The following RFWD3 variants were observed in gnomAD, a reference collection of about 807,000 sequenced individuals.
RFWD3 encodes ring finger and WD repeat domain 3, also known as E3 ubiquitin-protein ligase RFWD3.
Under a neutral mutation model 87.7 loss-of-function variants are expected in RFWD3, and 65 were observed. The observed-to-expected ratio is 0.74, with a 90% CI of 0.61 to 0.91. RFWD3 has a LOEUF of 0.91. Among genes scored for constraint, RFWD3 ranks in the 40% least tolerant of loss-of-function variants. The pLI is 0.00. For missense variants in RFWD3, 1,078 were observed against 938.5 expected, an observed-to-expected ratio of 1.15 and a Z score of -1.94; for synonymous variants, 433 against 352.8, an observed-to-expected ratio of 1.23 and a Z score of -2.55.
chr16:74,661,235 G>A lies in RFWD3; in HGVS notation c.215C>T (p.Pro72Leu). 6.2e-7 allele frequency: 1 copy of A among 1,614,206 alleles called. No homozygotes were observed. The change falls in exon 2 of 13, where the codon CCT (proline) becomes CTT (leucine). Residue 72 changes from proline (P) to leucine (L), a missense_variant. Pro to Leu is a moderately conservative substitution (Grantham distance 98, BLOSUM62 -3). Coordinates refer to ENST00000361070, the MANE Select transcript of RFWD3 (RefSeq NM_018124.4). ...SSQATPPLLQ[P>L]APQLSVDLTE... The stretch of plus-strand genomic sequence containing the variant: ...CAGGTCAACAGACAGTTGCGGAGCA[G>A]GCTGGAGCAGGGGTGGTGTCGCTTG...
At chr16:74,666,678 C>A (rs1320193487) in intron 1 of RFWD3, 108 bp downstream of exon 1, 1 of 152,336 alleles carries the variant, frequency 6.6e-6, no homozygotes, top group Non-Finnish European at 1.5e-5. Flanking sequence ...CCGCGTGCAG[C>A]CCACCTCGTG....
chr16:74,636,475 T>C lies in RFWD3; in HGVS notation c.1297A>G (p.Lys433Glu), dbSNP rs771380114. 1.8e-5 allele frequency: 29 copies of C among 1,613,994 alleles called. No homozygotes were observed. The South Asian group carries it at 3.0e-4, about 16-fold the overall frequency. Residue 433 changes from lysine (K) to glutamate (E), a missense_variant, in exon 8 of 13, where the codon AAG (lysine) becomes GAG (glutamate). Physicochemically the swap from Lys to Glu is moderately conservative, Grantham distance 56. Transcript: ENST00000361070. The stretch of plus-strand genomic sequence containing the variant: ...GTCTTTTGGAAGTGGTACTTGTGCT[T>C]GTGCTGGCCCTGGCTGGAGGGTGAG... ...SCSPSSQGQH[K>E]HKYHFQKTFT...
intron 2 of RFWD3, among the ~76,000 whole-genome samples, chr16:74,654,097 T>C (rs1000298995): frequency 6.6e-6 from 1 of 152,168 alleles, no homozygotes; most frequent in Non-Finnish European, 1.5e-5. Flanking sequence ...CAAAACATTT[T>C]TGTCACACCT....
At chr16:74,650,791 C>T (rs948292734) in intron 3 of RFWD3, among the ~76,000 whole-genome samples, 14 of 151,854 alleles carry the variant, frequency 9.2e-5, no homozygotes, top group African/African-American at 2.7e-4. Context: ...GCGGGAGGAT[C>T]GCTTGAGCCT....
chr16:74,635,570 A>G (rs1959189164), intron 8 of RFWD3, among the ~76,000 whole-genome samples: 1 of 152,226 alleles, frequency 6.6e-6, no homozygotes, highest in Admixed American at 6.5e-5. Context: ...AGCGGACTGG[A>G]ATGGACACGT....
At chr16:74,639,565 A>G (rs1959457085) in intron 6 of RFWD3, among the ~76,000 whole-genome samples, 1 of 152,264 alleles carries the variant, frequency 6.6e-6, no homozygotes, top group African/African-American at 2.4e-5. Context: ...CATAATGTTC[A>G]TGACTGAAAA....
At position 74,628,440 on chromosome 16, in the gene RFWD3, A is replaced by G; in HGVS notation, c.1969+12T>C. ...TCCCAAATAAGCTATGGGAGACCCC[A>G]GCACTACTTACCAGGCCTGTAGGTC... On this transcript the variant is annotated intron_variant, in intron 11 of 12. Transcript: ENST00000361070. The G allele has an allele frequency of 6.2e-7, 1 of 1,613,020 alleles. No homozygotes were observed. Among genetic ancestry groups the G allele is most frequent in the Non-Finnish European group, 8.5e-7 (1 of 1,179,158 alleles).
intron 4 of RFWD3, among the ~76,000 whole-genome samples, chr16:74,646,229 A>T (rs1026407422): frequency 2.6e-5 from 4 of 151,956 alleles, no homozygotes; most frequent in African/African-American, 9.7e-5. Flanking sequence ...TTAAAAAATT[A>T]GCCATGTGTG....
At chr16:74,663,703 C>G (rs1961648945) in intron 1 of RFWD3, among the ~76,000 whole-genome samples, 1 of 152,058 alleles carries the variant, frequency 6.6e-6, no homozygotes, top group Non-Finnish European at 1.5e-5. Flanking sequence ...GTATGATATG[C>G]AAACCAGTTT....
At position 74,662,063 on chromosome 16, in the gene RFWD3, C is replaced by A. The variant is rs557078652; in HGVS notation, c.-2-612G>T. On this transcript the variant is annotated intron_variant, in intron 1 of 12. Coordinates refer to ENST00000361070, the MANE Select transcript of RFWD3 (RefSeq NM_018124.4). ...GCGTATTCAACAAATATTTATTAAG[C>A]ACCTATGTTCTTTTCATGTTTCCTA... Among the ~76,000 whole-genome samples, 3 of 152,208 alleles carry A rather than the reference C, an allele frequency of 2.0e-5. No individual in the cohort carries two copies. The East Asian group carries it at 5.8e-4, about 29-fold the overall frequency.
At chr16:74,633,810 C>G (rs947039848) in intron 8 of RFWD3, among the ~76,000 whole-genome samples, 1 of 151,628 alleles carries the variant, frequency 6.6e-6, no homozygotes, top group African/African-American at 2.4e-5. Context: ...ATTAGCTGGG[C>G]GTAGTGGGGC....
intron 4 of RFWD3, among the ~76,000 whole-genome samples, chr16:74,646,728 G>A (rs1960176093): frequency 6.6e-6 from 1 of 152,036 alleles, no homozygotes; most frequent in South Asian, 2.1e-4. Flanking sequence ...GGAAAGAAAA[G>A]AATTAACTCA....
At chr16:74,632,740 TTC>T in intron 8 of RFWD3, 67 bp from the exon 9 acceptor site, 1 of 1,435,244 alleles carries the variant, frequency 7.0e-7, no homozygotes, top group Non-Finnish European at 9.7e-7. Flanking sequence ...AAACTAGTTT[TTC>T]AAGTAGCTCC....
At position 74,649,164 on chromosome 16, in the gene RFWD3, A is replaced by G. The variant is rs1341893542; in HGVS notation, c.760T>C (p.Cys254Arg). Reference sequence around the variant, plus strand: ...GGGAGGGTCTTGCCTCCATCGATACATGTAACTTCTTGCTCTGCTGAGACA... The same window carrying G: ...GGGAGGGTCTTGCCTCCATCGATACGTGTAACTTCTTGCTCTGCTGAGACA... ...AGVSAEQEVT[C>R]IDGGKTLPKQ... Residue 254 changes from cysteine to arginine, a missense_variant, in exon 4 of 13, where the codon TGT becomes CGT. Physicochemically the swap from Cys to Arg is radical, Grantham distance 180. Coordinates refer to ENST00000361070, the MANE Select transcript of RFWD3 (RefSeq NM_018124.4). 1 of 1,571,674 alleles carries G rather than the reference A, an allele frequency of 6.4e-7. No individual in the cohort carries two copies. The highest frequency in any genetic ancestry group is 8.6e-7 in the Non-Finnish European group (1 of 1,166,656).
Position 74,626,378 on chromosome 16 carries a change from C to T in RFWD3, c.2146G>A (p.Val716Met), listed in dbSNP as rs1958931902. ...TTTGCTGCTTCATCCCCAGTACACA[C>T]CAGGATGTTGCCATCATTCTCTGGG... Reference protein sequence around the residue: ...QSPENDGNILVCTGDEAANSA... With the variant: ...QSPENDGNILMCTGDEAANSA... Residue 716 changes from valine (V) to methionine (M), a missense_variant, in exon 12 of 13, where the codon GTG becomes ATG. Val to Met is a conservative substitution (Grantham distance 21). Coordinates refer to ENST00000361070, the MANE Select transcript of RFWD3 (RefSeq NM_018124.4). The T allele has an allele frequency of 8.1e-6, 13 of 1,614,060 alleles. No homozygotes were observed. The highest frequency in any genetic ancestry group is 2.7e-5 in the African/African-American group (2 of 74,908).
At position 74,623,954 on chromosome 16, in the gene RFWD3, T is replaced by G; in HGVS notation, c.2299A>C (p.Met767Leu). Residue 767 changes from methionine (M) to leucine (L), a missense_variant, in exon 13 of 13, where the codon ATG becomes CTG. Met to Leu is a conservative substitution (Grantham distance 15). Coordinates refer to ENST00000361070, the MANE Select transcript of RFWD3 (RefSeq NM_018124.4). The stretch of plus-strand genomic sequence containing the variant: ...CACTCCCACTTATAGATGTGGACCA[T>G]CTTCTCTGTTAAGGTAGCCAAGTAG... The part of the protein sequence containing the change: ...NSYLATLTEK[M>L]VHIYKWE The G allele has an allele frequency of 6.2e-7, 1 of 1,614,118 alleles. No individual in the cohort carries two copies. Among genetic ancestry groups the G allele is most frequent in the Non-Finnish European group, 8.5e-7 (1 of 1,180,008 alleles).
At chr16:74,655,482 C>T (rs981497053) in intron 2 of RFWD3, among the ~76,000 whole-genome samples, 7 of 151,384 alleles carry the variant, frequency 4.6e-5, no homozygotes, top group African/African-American at 2.4e-5. Context: ...CTCCTGACCT[C>T]GTGATTCGCC....
chr16:74,662,103 G>GT (rs770536983), intron 1 of RFWD3, among the ~76,000 whole-genome samples: 122 of 151,540 alleles, frequency 8.1e-4, no homozygotes, highest in Admixed American at 2.2e-3. Flanking sequence ...TAATTCCATT[G>GT]TATCAGTTTG....
At chr16:74,655,265 AG>A (rs745960311) in intron 2 of RFWD3, among the ~76,000 whole-genome samples, 3 of 151,002 alleles carry the variant, frequency 2.0e-5, no homozygotes, top group Non-Finnish European at 4.4e-5. Flanking sequence ...TTTGAGACAG[AG>A]TCTCACTTTG....
Sources: gnomAD v4.1 joint callset for allele counts (sites outside exome capture counted in the v4.1 genomes callset) on GRCh38, gnomAD v4.1.1 for gene constraint, MANE v1.5 for transcripts, NCBI Gene and HGNC (gene_info 2026-07-23, HGNC 2026-07-21) for gene names.